Variants in ZNF43 observed in about 807,000 individuals in gnomAD.
The protein encoded by ZNF43 is zinc finger protein 39-like 1 (KOX 27).
A neutral mutation model predicts 68.4 loss-of-function variants in ZNF43; 44 were observed. The ratio of observed to expected loss-of-function variants is 0.64; its 90% CI spans 0.51 to 0.83. ZNF43 has a LOEUF of 0.83. Ranked by LOEUF, ZNF43 falls within the 40% of genes least tolerant of loss-of-function variation. ZNF43 has a pLI of 0.00. For missense variants in ZNF43, 896 were observed against 933.2 expected (o/e 0.96, Z 0.52); for synonymous variants, 308 against 307.8 (o/e 1.00, Z -0.01).
chr19:21,811,332 C>T lies in ZNF43; in HGVS notation c.230-1525G>A, dbSNP rs1056261274. Among the ~76,000 whole-genome samples the T allele has an allele frequency of 8.8e-4, 133 of 151,854 alleles. 1 individual carries two copies. Among genetic ancestry groups the T allele is most frequent in the Non-Finnish European group, 1.3e-3 (88 of 67,916 alleles). On this transcript the variant is annotated intron_variant, in intron 3 of 3. Transcript: ENST00000354959. ...GGATTTCCTGCTGAGCTCAGGAGTT[C>T]GAGACCAGCCTGGGCAACATGGTGA...
At chr19:21,832,904 T>C (rs1282216642) in intron 1 of ZNF43, among the ~76,000 whole-genome samples, 4 of 152,132 alleles carry the variant, frequency 2.6e-5, no homozygotes, top group Non-Finnish European at 5.9e-5. Flanking sequence ...ATTAGTCATA[T>C]GAAAACACTT....
intron 2 of ZNF43, among the ~76,000 whole-genome samples, chr19:21,818,545 T>A (rs2037644136): frequency 6.6e-6 from 1 of 151,976 alleles, no homozygotes. Flanking sequence ...CTCAGGCTCC[T>A]GAGTAGCTGG....
rs2037418166 is a variant in ZNF43 at position 21,814,330 on chromosome 19, TA to T, written c.229+3557del. Among the ~76,000 whole-genome samples, 4 of 151,282 alleles carry T rather than the reference TA, an allele frequency of 2.6e-5. No homozygotes were observed. The South Asian group carries it at 8.3e-4, about 32-fold the overall frequency. On this transcript the variant is annotated intron_variant, in intron 3 of 3. Transcript: ENST00000354959. ...AAAATAATATATACAAGATAAGCTTTAACCAAAATTGGGGTCATATATTTAT... is the reference window on the plus strand; with the variant it reads ...AAAATAATATATACAAGATAAGCTTTACCAAAATTGGGGTCATATATTTAT...
Position 21,809,465 on chromosome 19 carries a change from T to C in ZNF43, c.572A>G (p.Gln191Arg). ...CACTCTGGTATGAATTATTTTATGT[T>C]GAGCTAGATGTGGAAGCATGCAAAA... is the stretch of plus-strand genomic sequence containing the variant. ...KSFCMLPHLA[Q>R]HKIIHTRVNF... Residue 191 changes from glutamine to arginine, a missense_variant, in exon 4 of 4, where the codon CAA (glutamine) becomes CGA (arginine). Transcript: ENST00000354959. 6.2e-7 allele frequency: 1 copy of C among 1,613,822 alleles called. No homozygotes were observed. The highest frequency in any genetic ancestry group is 1.7e-5 in the Admixed American group (1 of 59,958).
At chr19:21,842,118 T>C (rs1258422765) in intron 1 of ZNF43, among the ~76,000 whole-genome samples, 1 of 151,718 alleles carries the variant, frequency 6.6e-6, no homozygotes, top group Admixed American at 6.6e-5. Context: ...CAGTGAAAAA[T>C]CACAATCCCT....
rs926130978 is a variant in ZNF43 at position 21,808,371 on chromosome 19, G to A, written c.1666C>T (p.His556Tyr). Reference sequence around the variant, plus strand: ...TTCTCTCCAGTATGAATCCTCTTATGTTTGGTAAGGATTGAGAAATGGTTA... The same window carrying A: ...TTCTCTCCAGTATGAATCCTCTTATATTTGGTAAGGATTGAGAAATGGTTA... ...AFNHFSILTK[H>Y]KRIHTGEKPY... Residue 556 changes from histidine (H) to tyrosine (Y), a missense_variant, in exon 4 of 4, where the codon CAT becomes TAT. Coordinates refer to ENST00000354959, the MANE Select transcript of ZNF43 (RefSeq NM_003423.4). The A allele has an allele frequency of 3.1e-6, 5 of 1,612,614 alleles. No homozygotes were observed. Among genetic ancestry groups the A allele is most frequent in the African/African-American group, 1.3e-5 (1 of 74,952 alleles).
At chr19:21,840,113 T>C (rs1314549724), upstream of ZNF43, 1 of 152,104 alleles carries the variant, frequency 6.6e-6, no homozygotes, top group African/African-American at 2.4e-5. Context: ...ATGTTGCACA[T>C]AGCAATGTCA....
At chr19:21,830,455 A>C (rs2038370752) in intron 1 of ZNF43, among the ~76,000 whole-genome samples, 1 of 151,874 alleles carries the variant, frequency 6.6e-6, no homozygotes, top group Non-Finnish European at 1.5e-5. Context: ...ACCCAACAAC[A>C]ACAAAATAAT....
chr19:21,811,275 T>C (rs987658428), intron 3 of ZNF43, among the ~76,000 whole-genome samples: 1 of 152,122 alleles, frequency 6.6e-6, no homozygotes, highest in Non-Finnish European at 1.5e-5. Flanking sequence ...CTCACACTTG[T>C]AATCCTAGCA....
chr19:21,850,109 T>C (rs1968245249), intron 1 of ZNF43: 1 of 152,182 alleles, frequency 6.6e-6, no homozygotes. Context: ...CAGCAATGGA[T>C]AACAATGCTC....
chr19:21,830,924 C>T (rs2038395777), intron 1 of ZNF43, among the ~76,000 whole-genome samples: 1 of 152,112 alleles, frequency 6.6e-6, no homozygotes. Flanking sequence ...AGCCTATATC[C>T]CTGGGATGCA....
intron 1 of ZNF43, among the ~76,000 whole-genome samples, chr19:21,844,924 A>T: frequency 8.7e-6 from 1 of 114,970 alleles, no homozygotes; most frequent in South Asian, 2.8e-4. Context: ...AAAAAAAAAT[A>T]TATATATATA....
At position 21,848,624 on chromosome 19, in the gene ZNF43, T is replaced by C. The variant is rs567161844; in HGVS notation, c.30+3281A>G. Among the ~76,000 whole-genome samples the C allele has an allele frequency of 3.3e-5, 5 of 152,116 alleles. No homozygotes were observed. In the East Asian group the frequency reaches 5.9e-4, roughly 18 times the overall value. On this transcript the variant is annotated intron_variant, in intron 1 of 3. Transcript: ENST00000357491. Reference sequence around the variant, plus strand: ...CACCTAGGTGCTGGGACCAGTGATATGTTACAATTTTACCTTTGGGCTGGG... The same window carrying C: ...CACCTAGGTGCTGGGACCAGTGATACGTTACAATTTTACCTTTGGGCTGGG...
intron 1 of ZNF43, among the ~76,000 whole-genome samples, chr19:21,826,735 C>T (rs544983902): frequency 1.3e-5 from 2 of 151,706 alleles, no homozygotes; most frequent in Admixed American, 1.3e-4. Context: ...ACTAAGGAGG[C>T]TGAGGCAGGG....
At chr19:21,823,313 TCTC>T (rs1351388708) in intron 1 of ZNF43, among the ~76,000 whole-genome samples, 1 of 152,102 alleles carries the variant, frequency 6.6e-6, no homozygotes, top group South Asian at 2.1e-4. Context: ...AGTCTCCAGA[TCTC>T]CTGTTTTTCA....
chr19:21,847,828 ATTTC>A (rs1599552754), intron 1 of ZNF43, among the ~76,000 whole-genome samples: 2 of 152,242 alleles, frequency 1.3e-5, no homozygotes, highest in East Asian at 3.9e-4. Context: ...ATATGTAACA[ATTTC>A]TTTTTTATTT....
intron 3 of ZNF43, 40 bp downstream of exon 3, chr19:21,817,848 C>T: frequency 6.3e-7 from 1 of 1,579,638 alleles, no homozygotes; most frequent in South Asian, 1.1e-5. Context: ...CTTTGGACTT[C>T]TCATCTGTGT....
At position 21,818,042 on chromosome 19, in the gene ZNF43, C is replaced by T; in HGVS notation, c.131-56G>A. The T allele has an allele frequency of 1.5e-5, 22 of 1,488,994 alleles. No individual in the cohort carries two copies. In the South Asian group the frequency reaches 2.4e-4, roughly 16 times the overall value. 92.2% of individuals were successfully genotyped at this position (1,488,994 alleles called of 1,614,324 possible). A position where few individuals can be genotyped will look rare whatever the true frequency, so the allele number is the denominator to read the frequency against. On this transcript the variant is annotated intron_variant, in intron 2 of 3. Coordinates refer to ENST00000354959, the MANE Select transcript of ZNF43 (RefSeq NM_003423.4). ...CTTGCTCATATTCTCCCATTATTAACCTAGTAATGTGTCCAGTATGAAGGG... is the reference window on the plus strand; with the variant it reads ...CTTGCTCATATTCTCCCATTATTAATCTAGTAATGTGTCCAGTATGAAGGG...
intron 3 of ZNF43, among the ~76,000 whole-genome samples, chr19:21,812,912 G>T (rs1462394079): frequency 6.7e-6 from 1 of 149,138 alleles, no homozygotes; most frequent in Non-Finnish European, 1.5e-5. Context: ...CAGTCTGGGT[G>T]ACAGAGTGTG....
Sources: gnomAD v4.1 joint callset for allele counts (sites outside exome capture counted in the v4.1 genomes callset) on GRCh38, gnomAD v4.1.1 for gene constraint, MANE v1.5 for transcripts, NCBI Gene and HGNC (gene_info 2026-07-23, HGNC 2026-07-21) for gene names.